ADGRA3: variants seen among roughly 807,000 people sequenced by gnomAD.
The protein encoded by ADGRA3 is adhesion G protein-coupled receptor A3.
Under a neutral mutation model 119.8 loss-of-function variants are expected in ADGRA3, and 56 were observed. The observed-to-expected ratio is 0.47, with a 90% CI of 0.38 to 0.58. The LOEUF (loss-of-function observed/expected upper bound fraction) is 0.58. Ranked by LOEUF, ADGRA3 falls within the 20% of genes least tolerant of loss-of-function variation. The pLI, the probability that ADGRA3 is intolerant of heterozygous loss-of-function variation, is 0.00. For synonymous variants in ADGRA3, 607 were observed against 623.8 expected (o/e 0.97, Z 0.40); for missense variants, 1,516 against 1,649.0 (o/e 0.92, Z 1.40).
Position 22,401,565 on chromosome 4 carries a change from AAG to A in ADGRA3, c.2358-13_2358-12del. On this transcript the variant is annotated splice_polypyrimidine_tract_variant and intron_variant, in intron 15 of 18. Transcript: ENST00000334304. Reference sequence around the variant, plus strand: ...CTGATTCTAATCAAACTGTTTAAAAAAGAGAGAAAATATTAATATTCAGGCTA... The same window carrying A: ...CTGATTCTAATCAAACTGTTTAAAAAAGAGAAAATATTAATATTCAGGCTA... 1 of 1,595,046 alleles carries A rather than the reference AAG, an allele frequency of 6.3e-7. No homozygotes were observed. Among genetic ancestry groups the A allele is most frequent in the Admixed American group, 1.7e-5 (1 of 58,834 alleles).
intron 10 of ADGRA3, among the ~76,000 whole-genome samples, chr4:22,427,335 C>G (rs1715981763): frequency 6.6e-6 from 1 of 151,932 alleles, no homozygotes. Context: ...TTTATAGGGA[C>G]CTGACATGAG....
chr4:22,510,997 C>G (rs948589386), intron 1 of ADGRA3, among the ~76,000 whole-genome samples: 1 of 152,174 alleles, frequency 6.6e-6, no homozygotes, highest in African/African-American at 2.4e-5. Flanking sequence ...TGGTGATGTC[C>G]AAAATAATTA....
At chr4:22,485,134 TGAA>T (rs1460614448) in intron 1 of ADGRA3, among the ~76,000 whole-genome samples, 13 of 152,128 alleles carry the variant, frequency 8.5e-5, no homozygotes, top group Admixed American at 7.9e-4. Flanking sequence ...CACGCCGGCG[TGAA>T]GTGGTGCCAT....
At chr4:22,405,243 A>C (rs1714852394) in intron 14 of ADGRA3, among the ~76,000 whole-genome samples, 1 of 152,140 alleles carries the variant, frequency 6.6e-6, no homozygotes, top group Non-Finnish European at 1.5e-5. Flanking sequence ...GTTTAGAAGA[A>C]ATCAGTTATT....
intron 4 of ADGRA3, among the ~76,000 whole-genome samples, chr4:22,453,745 A>G (rs1184289508): frequency 3.9e-5 from 6 of 152,210 alleles, no homozygotes; most frequent in African/African-American, 1.4e-4. Flanking sequence ...CCTATTGTTT[A>G]GTCAGTTCTA....
intron 6 of ADGRA3, 35 bp from the exon 7 acceptor site, chr4:22,442,898 T>C (rs1361548394): frequency 6.8e-7 from 1 of 1,468,982 alleles, no homozygotes; most frequent in Non-Finnish European, 9.5e-7. Flanking sequence ...AGTAAACAAA[T>C]ATAATTTCCA....
chr4:22,494,539 T>TGGGACCTCTTTCCTGTAACAATTTG (rs1325482940), intron 1 of ADGRA3, among the ~76,000 whole-genome samples: 2 of 151,972 alleles, frequency 1.3e-5, no homozygotes, highest in African/African-American at 4.9e-5. Flanking sequence ...GGGTCTGGAT[T>TGGGACCTCTTTCCTGTAACAATTTG]GGGACCTCTT....
chr4:22,439,918 A>G (rs1347826352), intron 7 of ADGRA3, among the ~76,000 whole-genome samples: 4 of 152,204 alleles, frequency 2.6e-5, no homozygotes, highest in Admixed American at 2.0e-4. Flanking sequence ...CCAAATGTCT[A>G]TCTATATTCA....
rs182675198 is a variant in ADGRA3 at position 22,425,206 on chromosome 4, T to C, written c.1444-854A>G. Among the ~76,000 whole-genome samples, 1,011 of 152,236 alleles carry C rather than the reference T, an allele frequency of 6.6e-3. 12 individuals carry two copies. The highest frequency in any genetic ancestry group is 0.023 in the African/African-American group (945 of 41,556). Reference sequence around the variant, plus strand: ...GTTGTATGATCTCACCCCCATCCCCTTGCACACGTGGTTTCCTATACCTAG... The same window carrying C: ...GTTGTATGATCTCACCCCCATCCCCCTGCACACGTGGTTTCCTATACCTAG... On this transcript the variant is annotated intron_variant, in intron 10 of 18. Transcript: ENST00000334304.
In ADGRA3 at chr4:22,388,101, A is replaced by G. The variant is rs1007992355; in HGVS notation, c.3570T>C (p.Tyr1190=). ...CCACGCTCGTTGGGACATCGTAGGC[A>G]TATTCTCTCAGGACTGTGAGTCGGC... ...RASRLTVLRE[Y]AYDVPTSVEG... Residue 1190 remains tyrosine, a synonymous_variant, in exon 19 of 19, where the codon TAT becomes TAC. Coordinates refer to ENST00000334304, the MANE Select transcript of ADGRA3 (RefSeq NM_145290.4). The G allele has an allele frequency of 1.9e-6, 3 of 1,614,048 alleles. No individual in the cohort carries two copies. The highest frequency in any genetic ancestry group is 2.7e-5 in the African/African-American group (2 of 74,948).
intron 4 of ADGRA3, among the ~76,000 whole-genome samples, chr4:22,448,877 A>AT (rs1216216876): frequency 6.6e-6 from 1 of 152,202 alleles, no homozygotes; most frequent in African/African-American, 2.4e-5. Flanking sequence ...GAAGTCTTTT[A>AT]TTTTTGGCCT....
At chr4:22,421,563 A>C (rs548765504) in intron 11 of ADGRA3, among the ~76,000 whole-genome samples, 3 of 152,246 alleles carry the variant, frequency 2.0e-5, no homozygotes, top group African/African-American at 7.2e-5. Flanking sequence ...AAGATCATTA[A>C]CTCTTTGCAT....
intron 12 of ADGRA3, 90 bp downstream of exon 12, chr4:22,420,796 C>A: frequency 7.9e-7 from 1 of 1,264,842 alleles, no homozygotes; most frequent in Non-Finnish European, 1.1e-6. Flanking sequence ...AAAAAAAAAT[C>A]TTTTAATAAG....
chr4:22,405,669 C>T (rs1714888768), intron 14 of ADGRA3, among the ~76,000 whole-genome samples: 1 of 151,724 alleles, frequency 6.6e-6, no homozygotes, highest in South Asian at 2.1e-4. Flanking sequence ...AATGACTGAA[C>T]AAAGGCATGA....
intron 12 of ADGRA3, among the ~76,000 whole-genome samples, chr4:22,416,593 G>A (rs1715438965): frequency 6.6e-6 from 1 of 152,030 alleles, no homozygotes; most frequent in Admixed American, 6.6e-5. Flanking sequence ...AACTGTCGGT[G>A]GTATTTTTTA....
chr4:22,507,046 G>A (rs539379329), intron 1 of ADGRA3, among the ~76,000 whole-genome samples: 1 of 150,062 alleles, frequency 6.7e-6, no homozygotes, highest in South Asian at 2.1e-4. Context: ...GAGTATCCTT[G>A]CTAACACGAT....
chr4:22,429,160 C>T (rs1485394392), intron 10 of ADGRA3, among the ~76,000 whole-genome samples: 1 of 152,116 alleles, frequency 6.6e-6, no homozygotes, highest in Non-Finnish European at 1.5e-5. Context: ...TTGTGCTAAT[C>T]TGTAAATATT....
intron 1 of ADGRA3, among the ~76,000 whole-genome samples, chr4:22,480,755 G>T (rs1235533549): frequency 1.3e-5 from 2 of 152,096 alleles, no homozygotes; most frequent in Non-Finnish European, 2.9e-5. Flanking sequence ...TCCAATAATA[G>T]GGGACTTTAT....
At chr4:22,432,817 C>T (rs911129307) in intron 10 of ADGRA3, among the ~76,000 whole-genome samples, 8 of 152,114 alleles carry the variant, frequency 5.3e-5, no homozygotes, top group African/African-American at 1.4e-4. Context: ...CTTGTGTTGG[C>T]CAGGCTCAAT....
Sources: allele counts gnomAD v4.1 joint callset (sites outside exome capture counted in the v4.1 genomes callset), GRCh38; gene constraint gnomAD v4.1.1; transcripts MANE v1.5; gene names NCBI Gene and HGNC (gene_info 2026-07-23, HGNC 2026-07-21).